The following ITGB6 variants were observed in gnomAD, a reference collection of about 807,000 sequenced individuals.
ITGB6 encodes the protein integrin subunit beta 6, also known as integrin beta-6.
Under a neutral mutation model 84.5 loss-of-function variants are expected in ITGB6, and 80 were observed. The ratio of observed to expected loss-of-function variants is 0.95; its 90% CI spans 0.79 to 1.14. The LOEUF (loss-of-function observed/expected upper bound fraction) is 1.14. ITGB6 is among the 50% of genes most tolerant of loss of function. ITGB6 has a pLI of 0.00. For missense variants in ITGB6, 1,006 were observed against 968.0 expected, an observed-to-expected ratio of 1.04 and a Z score of -0.52; for synonymous variants, 383 against 354.9, an observed-to-expected ratio of 1.08 and a Z score of -0.89.
At chr2:160,128,451 G>A (rs1187167742) in intron 10 of ITGB6, among the ~76,000 whole-genome samples, 1 of 152,172 alleles carries the variant, frequency 6.6e-6, no homozygotes, top group Non-Finnish European at 1.5e-5. Context: ...CTTATTGGCT[G>A]AAGGAAGAGC....
intron 10 of ITGB6, among the ~76,000 whole-genome samples, chr2:160,135,294 C>T (rs1455184343): frequency 6.6e-6 from 1 of 152,070 alleles, no homozygotes; most frequent in Non-Finnish European, 1.5e-5. Flanking sequence ...GAGTGAACTC[C>T]CATTCACAAT....
At chr2:160,107,932 T>C (rs1696975185) in intron 13 of ITGB6, 87 bp from the exon 14 acceptor site, 1 of 1,175,672 alleles carries the variant, frequency 8.5e-7, no homozygotes, top group Non-Finnish European at 1.2e-6. Flanking sequence ...TTCATCTACA[T>C]TTTCTGCAGC....
At chr2:160,116,933 G>T (rs1330297865) in intron 12 of ITGB6, among the ~76,000 whole-genome samples, 2 of 151,568 alleles carry the variant, frequency 1.3e-5, no homozygotes, top group Non-Finnish European at 2.9e-5. Context: ...TTACATAATG[G>T]TAAAGGGATC....
chr2:160,137,082 G>T (rs1574073357), intron 10 of ITGB6, among the ~76,000 whole-genome samples: 1 of 151,388 alleles, frequency 6.6e-6, no homozygotes, highest in Non-Finnish European at 1.5e-5. Flanking sequence ...AAAAGAAAAG[G>T]TCAGTCAGAC....
chr2:160,127,138 C>G (rs146036870), intron 10 of ITGB6, among the ~76,000 whole-genome samples: 1 of 152,270 alleles, frequency 6.6e-6, no homozygotes, highest in African/African-American at 2.4e-5. Context: ...AAATATATTT[C>G]TTTGATATAT....
chr2:160,190,003 A>G (rs1263915613), intron 4 of ITGB6, among the ~76,000 whole-genome samples: 2 of 152,188 alleles, frequency 1.3e-5, no homozygotes, highest in Non-Finnish European at 2.9e-5. Flanking sequence ...GCACATATAC[A>G]CCATGGAATA....
intron 6 of ITGB6, among the ~76,000 whole-genome samples, chr2:160,172,124 G>A (rs561275941): frequency 2.6e-5 from 4 of 152,284 alleles, no homozygotes; most frequent in African/African-American, 7.2e-5. Context: ...ATAAGCCAAA[G>A]GTTAACAAGC....
At chr2:160,137,012 T>C (rs892879620) in intron 10 of ITGB6, among the ~76,000 whole-genome samples, 4 of 148,802 alleles carry the variant, frequency 2.7e-5, no homozygotes, top group African/African-American at 1.0e-4. Context: ...GTAACAAACC[T>C]GCACATTGTG....
intron 7 of ITGB6, among the ~76,000 whole-genome samples, chr2:160,165,939 A>G (rs1472017945): frequency 6.6e-6 from 1 of 152,212 alleles, no homozygotes; most frequent in Non-Finnish European, 1.5e-5. Flanking sequence ...TTGTCACGCA[A>G]AACTCCAAGT....
chr2:160,172,558 A>C lies in ITGB6; in HGVS notation c.921+11T>G. 1 of 1,585,548 alleles carries C rather than the reference A, an allele frequency of 6.3e-7. No individual in the cohort carries two copies. Among genetic ancestry groups the C allele is most frequent in the Non-Finnish European group, 8.6e-7 (1 of 1,156,592 alleles). On this transcript the variant is annotated intron_variant, in intron 6 of 14. Coordinates refer to ENST00000283249, the MANE Select transcript of ITGB6 (RefSeq NM_000888.5). Reference sequence around the variant, plus strand: ...TAGCCCTGAAAACAGTACAGAGTGCAGGTTACACACCAAGACAGTTGACAT... The same window carrying C: ...TAGCCCTGAAAACAGTACAGAGTGCCGGTTACACACCAAGACAGTTGACAT...
chr2:160,174,281 A>C, intron 4 of ITGB6, 142 bp from the exon 5 acceptor site: 33 of 629,022 alleles, frequency 5.2e-5, no homozygotes, highest in East Asian at 2.3e-4. Context: ...TATGAATCTC[A>C]CTGTTAAGGT....
chr2:160,172,435 C>T, intron 6 of ITGB6, 134 bp downstream of exon 6: 2 of 830,540 alleles, frequency 2.4e-6, no homozygotes, highest in Non-Finnish European at 3.7e-6. Context: ...CGAGCTGGGG[C>T]AACTTGTTAA....
At chr2:160,151,040 G>T (rs1464368169) in intron 7 of ITGB6, among the ~76,000 whole-genome samples, 1 of 151,908 alleles carries the variant, frequency 6.6e-6, no homozygotes, top group Non-Finnish European at 1.5e-5. Flanking sequence ...GATAAACAAG[G>T]CAGAAGCTTA....
chr2:160,151,115 T>A (rs545885320), intron 7 of ITGB6, among the ~76,000 whole-genome samples: 2 of 152,208 alleles, frequency 1.3e-5, no homozygotes, highest in South Asian at 4.2e-4. Context: ...TCTACAGAAC[T>A]CTCCACCCCA....
At chr2:160,145,208 T>C (rs1175360595) in intron 7 of ITGB6, among the ~76,000 whole-genome samples, 1 of 152,230 alleles carries the variant, frequency 6.6e-6, no homozygotes, top group Non-Finnish European at 1.5e-5. Flanking sequence ...AAGATGGTGC[T>C]TGGATATTAG....
At chr2:160,109,648 T>C (rs12999707) in intron 13 of ITGB6, among the ~76,000 whole-genome samples, 120,102 of 152,256 alleles carry the variant, frequency 0.79, 48,326 homozygotes, top group African/African-American at 0.95. Flanking sequence ...TTTTCATACT[T>C]GGATGTTTCT....
intron 7 of ITGB6, among the ~76,000 whole-genome samples, chr2:160,158,249 G>A (rs918935940): frequency 6.6e-6 from 1 of 152,190 alleles, no homozygotes; most frequent in African/African-American, 2.4e-5. Context: ...GTCGGCATCG[G>A]AACTTTTGAG....
At position 160,196,310 on chromosome 2, in the gene ITGB6, T is replaced by C. The variant is rs571733477; in HGVS notation, c.252A>G (p.Ile84Met). 3 of 1,614,086 alleles carry C rather than the reference T, an allele frequency of 1.9e-6. No individual in the cohort carries two copies. Among genetic ancestry groups the C allele is most frequent in the Non-Finnish European group, 1.7e-6 (2 of 1,179,962 alleles). Residue 84 changes from isoleucine (I) to methionine (M), a missense_variant, in exon 3 of 15, where the codon ATA (isoleucine) becomes ATG (methionine). Coordinates refer to ENST00000283249, the MANE Select transcript of ITGB6 (RefSeq NM_000888.5). ...FIENPVSQVE[I>M]LKNKPLSVGR... Reference sequence around the variant, plus strand: ...CTACACTGAGAGGCTTATTTTTAAGTATTTCTACTTGGGAGACAGGGTTTT... The same window carrying C: ...CTACACTGAGAGGCTTATTTTTAAGCATTTCTACTTGGGAGACAGGGTTTT...
In ITGB6 at chr2:160,174,117, G is replaced by A. The variant is rs772617473; in HGVS notation, c.616C>T (p.Pro206Ser). Residue 206 changes from proline to serine, a missense_variant, in exon 5 of 15, where the codon CCT (proline) becomes TCT (serine). Coordinates refer to ENST00000283249, the MANE Select transcript of ITGB6 (RefSeq NM_000888.5). ...PCSSIPYFCL[P>S]TFGFKHILPL... ...AAAATGTGCTTGAATCCAAATGTAG[G>A]TAAACAGAAGTATGGAATACTACTG... 9.3e-6 allele frequency: 15 copies of A among 1,608,354 alleles called. No homozygotes were observed. Among genetic ancestry groups the A allele is most frequent in the Admixed American group, 3.4e-5 (2 of 58,430 alleles).
Sources: gnomAD v4.1 joint callset for allele counts (sites outside exome capture counted in the v4.1 genomes callset) on GRCh38, gnomAD v4.1.1 for gene constraint, MANE v1.5 for transcripts, NCBI Gene and HGNC (gene_info 2026-07-23, HGNC 2026-07-21) for gene names.